Variants in UNC13C observed in about 807,000 individuals in gnomAD.
UNC13C encodes protein unc-13 homolog C.
In UNC13C, 174 loss-of-function variants were observed where a neutral mutation model predicts 245.4. The observed-to-expected ratio is 0.71, with a 90% confidence interval of 0.63 to 0.80. The LOEUF (loss-of-function observed/expected upper bound fraction) is 0.80, where lower values mean the gene tolerates loss of function less well. UNC13C is among the 30% of genes least tolerant of loss of function. UNC13C has a pLI of 0.00. For synonymous variants in UNC13C, 992 were observed against 895.1 expected, an observed-to-expected ratio of 1.11 and a Z score of -1.93; for missense variants, 2,829 against 2,602.9, an observed-to-expected ratio of 1.09 and a Z score of -1.89.
At chr15:54,272,688 A>T (rs1370895745) in intron 10 of UNC13C, among the ~76,000 whole-genome samples, 1 of 152,154 alleles carries the variant, frequency 6.6e-6, no homozygotes, top group African/African-American at 2.4e-5. Flanking sequence ...AATAATAATA[A>T]CCAATTCTAC....
chr15:54,093,360 A>G (rs902777065), intron 2 of UNC13C, among the ~76,000 whole-genome samples: 3 of 152,186 alleles, frequency 2.0e-5, no homozygotes, highest in African/African-American at 7.2e-5. Context: ...TTAAGTAGGT[A>G]TGGCTGAACA....
chr15:54,035,399 G>T (rs952789352), intron 2 of UNC13C, among the ~76,000 whole-genome samples: 2 of 151,788 alleles, frequency 1.3e-5, no homozygotes, highest in African/African-American at 4.8e-5. Context: ...TGCATGATTT[G>T]TATAGCAAAA....
chr15:54,246,880 T>C (rs1036159276), intron 7 of UNC13C, among the ~76,000 whole-genome samples: 3 of 152,146 alleles, frequency 2.0e-5, no homozygotes, highest in African/African-American at 4.8e-5. Flanking sequence ...AACCTGCGCA[T>C]CCTGCACATG....
intron 1 of UNC13C, among the ~76,000 whole-genome samples, chr15:53,986,357 G>T (rs1039739964): frequency 2.6e-5 from 4 of 151,940 alleles, no homozygotes; most frequent in African/African-American, 9.7e-5. Context: ...TTTGTTTCTC[G>T]ATTTTGTATT....
At chr15:54,501,569 G>C (rs527346786) in intron 22 of UNC13C, among the ~76,000 whole-genome samples, 1 of 151,996 alleles carries the variant, frequency 6.6e-6, no homozygotes, top group African/African-American at 2.4e-5. Context: ...GGAAATATAA[G>C]AAATAAAAGA....
At chr15:54,594,189 C>T (rs1898944707) in intron 30 of UNC13C, among the ~76,000 whole-genome samples, 1 of 152,110 alleles carries the variant, frequency 6.6e-6, no homozygotes, top group Admixed American at 6.5e-5. Context: ...ATCTATGGGT[C>T]TCTCAGCCAT....
chr15:54,485,288 C>A (rs1893347517), intron 19 of UNC13C, among the ~76,000 whole-genome samples: 1 of 152,192 alleles, frequency 6.6e-6, no homozygotes, highest in Non-Finnish European at 1.5e-5. Context: ...ATCTATTCAT[C>A]CATCTATGGT....
intron 22 of UNC13C, among the ~76,000 whole-genome samples, chr15:54,502,786 A>G (rs185331500): frequency 2.6e-5 from 4 of 152,272 alleles, no homozygotes; most frequent in Middle Eastern, 3.4e-3. Flanking sequence ...TGATATTAGA[A>G]AAGTAACTAG....
intron 19 of UNC13C, chr15:54,416,903 A>T (rs568218147): frequency 2.2e-6 from 1 of 456,412 alleles, no homozygotes; most frequent in Non-Finnish European, 4.4e-6. Context: ...TTATTCCTGC[A>T]TGAGGGATTT....
intron 1 of UNC13C, among the ~76,000 whole-genome samples, chr15:54,002,975 A>T (rs1894964694): frequency 6.6e-6 from 1 of 152,112 alleles, no homozygotes; most frequent in African/African-American, 2.4e-5. Context: ...GAACTAAGGC[A>T]AGTGTTTTGA....
At chr15:53,970,696 G>A in the UNC13C span, among the ~76,000 whole-genome samples, 1 of 152,068 alleles carries the variant, frequency 6.6e-6, no homozygotes, top group Non-Finnish European at 1.5e-5. Context: ...GCAGAGGGAG[G>A]GAGAGCATCA....
At chr15:54,532,557 A>T (rs1895798187) in intron 25 of UNC13C, among the ~76,000 whole-genome samples, 1 of 152,176 alleles carries the variant, frequency 6.6e-6, no homozygotes, top group African/African-American at 2.4e-5. Context: ...GGCCGTTATC[A>T]TTAGCAAACT....
At chr15:53,947,560 A>T in the UNC13C span, 8 of 152,178 alleles carry the variant, frequency 5.3e-5, no homozygotes, top group Non-Finnish European at 1.0e-4. Flanking sequence ...TTAGACCATC[A>T]TGCCTCTGAT....
At chr15:54,339,947 C>T (rs543328548) in intron 17 of UNC13C, among the ~76,000 whole-genome samples, 37 of 152,180 alleles carry the variant, frequency 2.4e-4, no homozygotes, top group Non-Finnish European at 3.8e-4. Context: ...TCCATGACAA[C>T]GTCTATTATT....
intron 12 of UNC13C, among the ~76,000 whole-genome samples, chr15:54,299,070 A>T (rs570106081): frequency 1.3e-5 from 2 of 152,170 alleles, no homozygotes; most frequent in Non-Finnish European, 2.9e-5. Flanking sequence ...CTCAAGAGAG[A>T]TGGTTCATTT....
At chr15:54,090,494 G>T (rs1899507020) in intron 2 of UNC13C, among the ~76,000 whole-genome samples, 1 of 152,122 alleles carries the variant, frequency 6.6e-6, no homozygotes, top group South Asian at 2.1e-4. Context: ...GCTTACCAAA[G>T]ATAGATCAAG....
chr15:53,899,151 T>C, the UNC13C span, among the ~76,000 whole-genome samples: 3 of 152,228 alleles, frequency 2.0e-5, no homozygotes, highest in Admixed American at 2.0e-4. Flanking sequence ...CTGTGCACTA[T>C]ATCCTGTTAC....
At chr15:54,447,501 G>C (rs990159254) in intron 19 of UNC13C, among the ~76,000 whole-genome samples, 1 of 152,278 alleles carries the variant, frequency 6.6e-6, no homozygotes, top group Admixed American at 6.5e-5. Context: ...TTAGTCTTGG[G>C]AGGATGTATG....
chr15:54,006,157 C>T (rs1895126666), intron 1 of UNC13C, among the ~76,000 whole-genome samples: 2 of 152,062 alleles, frequency 1.3e-5, no homozygotes. Context: ...TGAGATAAAC[C>T]ACACAAAAGG....
Sources: allele counts gnomAD v4.1 joint callset (sites outside exome capture counted in the v4.1 genomes callset), GRCh38; gene constraint gnomAD v4.1.1; transcripts MANE v1.5; gene names NCBI Gene and HGNC (gene_info 2026-07-23, HGNC 2026-07-21).